Variants in NOTCH3 observed in about 807,000 individuals in gnomAD.
NOTCH3 encodes neurogenic locus notch homolog protein 3.
NOTCH3 carries 86 observed loss-of-function variants against 213.3 expected under a neutral mutation model. That is an observed-to-expected ratio of 0.40 (90% confidence interval 0.34 to 0.48). The LOEUF (loss-of-function observed/expected upper bound fraction) is 0.48, where lower values mean the gene tolerates loss of function less well. Ranked by LOEUF, NOTCH3 falls within the 20% of genes least tolerant of loss-of-function variation. The probability of loss-of-function intolerance (pLI) is 0.57; values close to 1 mark genes in which losing one functional copy is unlikely to be tolerated. For synonymous variants in NOTCH3, 1,354 were observed against 1,355.9 expected (o/e 1.00, Z 0.03); for missense variants, 2,783 against 3,272.6 (o/e 0.85, Z 3.65).
At chr19:15,192,327 G>A (rs765804712) in intron 3 of NOTCH3, 29 bp from the exon 4 acceptor site, 1 of 1,612,136 alleles carries the variant, frequency 6.2e-7, no homozygotes, top group Non-Finnish European at 8.5e-7. Flanking sequence ...GGTGAGTTTA[G>A]GACTGACCAC....
chr19:15,193,397 T>C (rs1377587058), intron 2 of NOTCH3, among the ~76,000 whole-genome samples: 1 of 151,942 alleles, frequency 6.6e-6, no homozygotes, highest in Non-Finnish European at 1.5e-5. Flanking sequence ...CCACCAGGCC[T>C]GGCTATGCAG....
rs1022220282 is a variant in NOTCH3 at position 15,161,369 on chromosome 19, C to T, written c.6259G>A (p.Ala2087Thr). The change falls in exon 33 of 33, where the codon GCC (alanine) becomes ACC (threonine). Residue 2087 changes from alanine (A) to threonine (T), a missense_variant. Physicochemically the swap from Ala to Thr is moderately conservative, Grantham distance 58. This residue lies in a region of NOTCH3 where 441 missense variants were observed against 432.1 expected (regional missense o/e 1.02). Transcript: ENST00000263388. ...PRGRGKKLTL[A>T]CPGPLADSSV... Reference sequence around the variant, plus strand: ...CTGTCAGCCAGGGGGCCCGGGCAGGCCAGCGTCAGCTTCTTGCCCCGCCCC... The same window carrying T: ...CTGTCAGCCAGGGGGCCCGGGCAGGTCAGCGTCAGCTTCTTGCCCCGCCCC... The T allele has an allele frequency of 4.5e-5, 68 of 1,524,998 alleles. No individual in the cohort carries two copies. Among genetic ancestry groups the T allele is most frequent in the Non-Finnish European group, 5.9e-5 (67 of 1,138,128 alleles). The allele number at this position is 1,524,998 out of a possible 1,614,324, so 94.5% of individuals were successfully genotyped here. A position where few individuals can be genotyped will look rare whatever the true frequency, so the allele number is the denominator to read the frequency against.
intron 2 of NOTCH3, among the ~76,000 whole-genome samples, chr19:15,197,098 T>A (rs2046974853): frequency 6.6e-6 from 1 of 151,970 alleles, no homozygotes; most frequent in Non-Finnish European, 1.5e-5. Context: ...TGTTGAGAGA[T>A]GGGAGGGGTG....
At chr19:15,162,042 C>T (rs540389429) in intron 32 of NOTCH3, among the ~76,000 whole-genome samples, 342 of 133,488 alleles carry the variant, frequency 2.6e-3, no homozygotes, top group African/African-American at 9.0e-3. Flanking sequence ...AGTGCAGTGG[C>T]GCCATTTCAG....
In NOTCH3 at chr19:15,194,483, C is replaced by T. The variant is rs544402842; in HGVS notation, c.198-1964G>A. Among the ~76,000 whole-genome samples the T allele has an allele frequency of 4.9e-4, 74 of 152,204 alleles. 1 individual carries two copies. In the South Asian group the frequency reaches 0.015, roughly 31 times the overall value. ...GAATAAATTACTATTGTTCAAGCTA[C>T]CCAGTTTATGGTAATTTGTTAGAGC... On this transcript the variant is annotated intron_variant, in intron 2 of 32. Coordinates refer to ENST00000263388, the MANE Select transcript of NOTCH3 (RefSeq NM_000435.3).
At position 15,191,672 on chromosome 19, in the gene NOTCH3, T is replaced by G. The variant is rs748611868; in HGVS notation, c.803-15A>C. The G allele has an allele frequency of 2.5e-6, 4 of 1,613,536 alleles. No individual in the cohort carries two copies. In the East Asian group the frequency reaches 6.7e-5, roughly 27 times the overall value. On this transcript the variant is annotated splice_polypyrimidine_tract_variant and intron_variant, in intron 5 of 32. Transcript: ENST00000263388. ...GCAGAACTGGCCTGTGGCACACAGA[T>G]GCAGCAGTCCAGCCACCTGGCGCAT...
In NOTCH3 at chr19:15,160,118, G is replaced by A. The variant is rs368577217; in HGVS notation, c.*544C>T. 4.6e-3 allele frequency: 1,078 copies of A among 234,816 alleles called. 11 individuals carry two copies. Among genetic ancestry groups the A allele is most frequent in the Middle Eastern group, 0.018 (14 of 788 alleles). 14.5% of individuals were successfully genotyped at this position (234,816 alleles called of 1,614,324 possible). A position where few individuals can be genotyped will look rare whatever the true frequency, so the allele number is the denominator to read the frequency against. On this transcript the variant is annotated 3_prime_UTR_variant, in exon 33 of 33. Coordinates refer to ENST00000263388, the MANE Select transcript of NOTCH3 (RefSeq NM_000435.3). ...TGGTACATACCTGGGTCGTGTACTC[G>A]GTACACGGGATCCCAGTCATGCCTG...
chr19:15,166,135 C>A (rs1021359293), intron 29 of NOTCH3, 44 bp from the exon 30 acceptor site: 14 of 1,557,780 alleles, frequency 9.0e-6, no homozygotes, highest in African/African-American at 1.4e-5. Context: ...AACACAGGGC[C>A]TTTTCCAGGA....
At chr19:15,197,450 C>CCCCCCCCCCCCCCCCCA in intron 2 of NOTCH3, 50 bp downstream of exon 2, 1 of 890,772 alleles carries the variant, frequency 1.1e-6, no homozygotes, top group Non-Finnish European at 1.9e-6. Context: ...CGCCCCTCCC[C>CCCCCCCCCCCCCCCCCA]CCCGCCCCCA....
In NOTCH3 at chr19:15,181,797, TGG is replaced by T; in HGVS notation, c.2569_2570del (p.Pro857MetfsTer33). On this transcript the variant is annotated frameshift_variant and splice_region_variant, in exon 17 of 33. Coordinates refer to ENST00000263388, the MANE Select transcript of NOTCH3 (RefSeq NM_000435.3). LOFTEE classifies it high-confidence loss of function. ...DQDINDCDPN[P>X]CLNGGSCQDG... is the part of the protein sequence containing the mutation. The stretch of plus-strand genomic sequence containing the variant: ...CTTGGCACGAGCCACCGTTCAGGCA[TGG>T]GTCTGCGGACAGGAGGAAGGCGGTC... The T allele has an allele frequency of 6.4e-7, 1 of 1,555,784 alleles. No individual in the cohort carries two copies. Among genetic ancestry groups the T allele is most frequent in the Non-Finnish European group, 8.7e-7 (1 of 1,149,712 alleles).
At position 15,159,367 on chromosome 19, in the gene NOTCH3, T is replaced by C. The variant is rs1046946284; in HGVS notation, c.*1295A>G. On this transcript the variant is annotated 3_prime_UTR_variant, in exon 33 of 33. Transcript: ENST00000263388. Reference sequence around the variant, plus strand: ...CCACTGATATTTCTAAATCTGATTGTGACCTTAAGAGCTCCACCAACTGAC... The same window carrying C: ...CCACTGATATTTCTAAATCTGATTGCGACCTTAAGAGCTCCACCAACTGAC... 5.9e-6 allele frequency: 1 copy of C among 168,692 alleles called. No homozygotes were observed. The highest frequency in any genetic ancestry group is 1.3e-5 in the Non-Finnish European group (1 of 77,560). 10.4% of individuals were successfully genotyped at this position (168,692 alleles called of 1,614,324 possible).
rs765188821 is a variant in NOTCH3 at position 15,178,809 on chromosome 19, C to A, written c.3837+14G>T. On this transcript the variant is annotated intron_variant, in intron 23 of 32. Coordinates refer to ENST00000263388, the MANE Select transcript of NOTCH3 (RefSeq NM_000435.3). ...GCCCCTACTCCTCCTCCAAAGGCCG[C>A]CACCCACACCTACCTGGGCACAGTG... 3.2e-6 allele frequency: 5 copies of A among 1,575,712 alleles called. No homozygotes were observed. The highest frequency in any genetic ancestry group is 1.3e-5 in the African/African-American group (1 of 74,428).
In NOTCH3 at chr19:15,191,957, C is replaced by G. The variant is rs376091069; in HGVS notation, c.679+3G>C. 6.2e-7 allele frequency: 1 copy of G among 1,613,448 alleles called. No individual in the cohort carries two copies. Among genetic ancestry groups the G allele is most frequent in the South Asian group, 1.1e-5 (1 of 91,096 alleles). On this transcript the variant is annotated splice_donor_region_variant and intron_variant, in intron 4 of 32. Transcript: ENST00000263388. The stretch of plus-strand genomic sequence containing the variant: ...CTGACTCTCCTGAGTAGGGCTCACT[C>G]ACCAGGAAGACAGGCACAGTCGTAA...
Position 15,160,102 on chromosome 19 carries a change from C to T in NOTCH3, c.*560G>A. The T allele has an allele frequency of 4.3e-6, 1 of 234,538 alleles. No individual in the cohort carries two copies. Among genetic ancestry groups the T allele is most frequent in the Non-Finnish European group, 8.4e-6 (1 of 118,762 alleles). 14.5% of individuals were successfully genotyped at this position (234,538 alleles called of 1,614,324 possible). The stretch of plus-strand genomic sequence containing the variant: ...CCCAAGGGTGCCTACTTGGTACATA[C>T]CTGGGTCGTGTACTCGGTACACGGG... On this transcript the variant is annotated 3_prime_UTR_variant, in exon 33 of 33. Transcript: ENST00000263388.
Position 15,179,145 on chromosome 19 carries a change from A to G in NOTCH3, c.3598T>C (p.Leu1200=), listed in dbSNP as rs1157820663. ...TCATTGATGTCTGCCTCGCAGCGCA[A>G]ACCAGTGTATCCTGGGGGACAGGTG... is the stretch of plus-strand genomic sequence containing the variant. The part of the protein sequence containing the change: ...RCTCPPGYTG[L]RCEADINECR... The change falls in exon 22 of 33, where the codon TTG becomes CTG. Residue 1200 remains leucine, a synonymous_variant. Transcript: ENST00000263388. 6.2e-7 allele frequency: 1 copy of G among 1,614,180 alleles called. No individual in the cohort carries two copies. Among genetic ancestry groups the G allele is most frequent in the Non-Finnish European group, 8.5e-7 (1 of 1,180,022 alleles).
In NOTCH3 at chr19:15,178,097, G is replaced by A; in HGVS notation, c.3838-7C>T. The stretch of plus-strand genomic sequence containing the variant: ...AACGCGGACCCCAGAACGGCTGGGG[G>A]TCGGGTTTGGGGAGGGAGGGATAAA... On this transcript the variant is annotated splice_region_variant and splice_polypyrimidine_tract_variant and intron_variant, in intron 23 of 32. Transcript: ENST00000263388. The A allele has an allele frequency of 1.3e-6, 2 of 1,515,368 alleles. No individual in the cohort carries two copies. Among genetic ancestry groups the A allele is most frequent in the Non-Finnish European group, 1.8e-6 (2 of 1,135,488 alleles). 93.9% of individuals were successfully genotyped at this position (1,515,368 alleles called of 1,614,324 possible). A position where few individuals can be genotyped will look rare whatever the true frequency, so the allele number is the denominator to read the frequency against.
intron 1 of NOTCH3, among the ~76,000 whole-genome samples, chr19:15,199,903 G>T (rs569373392): frequency 6.6e-6 from 1 of 152,180 alleles, no homozygotes; most frequent in Non-Finnish European, 1.5e-5. Flanking sequence ...CCGTAGCGGT[G>T]AGGGGGGTGC....
rs746538536 is a variant in NOTCH3 at position 15,159,948 on chromosome 19, G to A, written c.*714C>T. The A allele has an allele frequency of 2.1e-5, 5 of 233,778 alleles. No individual in the cohort carries two copies. The highest frequency in any genetic ancestry group is 5.6e-5 in the Admixed American group (1 of 17,782). The allele number at this position is 233,778 out of a possible 1,614,324, so 14.5% of individuals were successfully genotyped here. A position where few individuals can be genotyped will look rare whatever the true frequency, so the allele number is the denominator to read the frequency against. ...GGCCAAGGGTGGGGCTGGGGCAGAG[G>A]GAGTTGGCAGTGGGCCCTTCCCCAG... On this transcript the variant is annotated 3_prime_UTR_variant, in exon 33 of 33. Coordinates refer to ENST00000263388, the MANE Select transcript of NOTCH3 (RefSeq NM_000435.3).
chr19:15,197,699 C>T lies in NOTCH3; in HGVS notation c.119-121G>A, dbSNP rs956558948. On this transcript the variant is annotated intron_variant, in intron 1 of 32. Transcript: ENST00000263388. The stretch of plus-strand genomic sequence containing the variant: ...CTGCATGGGGATGGGGGCGTCTCTG[C>T]GGGTGCAGGGAGTCCCCCCATCCAC... 39 of 670,786 alleles carry T rather than the reference C, an allele frequency of 5.8e-5. No individual in the cohort carries two copies. In the Admixed American group the frequency reaches 6.1e-4, roughly 10 times the overall value. 41.6% of individuals were successfully genotyped at this position (670,786 alleles called of 1,614,324 possible).
Sources: allele counts gnomAD v4.1 joint callset (sites outside exome capture counted in the v4.1 genomes callset), GRCh38; gene constraint gnomAD v4.1.1; regional missense constraint gnomAD v4.1.1; transcripts MANE v1.5; gene names NCBI Gene and HGNC (gene_info 2026-07-23, HGNC 2026-07-21).